The following SDCCAG8 variants were observed in gnomAD, a reference collection of about 807,000 sequenced individuals.
SDCCAG8 encodes SHH signaling and ciliogenesis regulator SDCCAG8, also known as serologically defined colon cancer antigen 8.
Under a neutral mutation model 101.8 loss-of-function variants are expected in SDCCAG8, and 74 were observed. The observed-to-expected ratio is 0.73, with a 90% CI of 0.60 to 0.88. The LOEUF (loss-of-function observed/expected upper bound fraction) is 0.88, where lower values mean the gene tolerates loss of function less well. Ranked by LOEUF, SDCCAG8 falls within the 40% of genes least tolerant of loss-of-function variation. The probability of loss-of-function intolerance (pLI) is 0.00; values close to 1 mark genes in which losing one functional copy is unlikely to be tolerated. For missense variants in SDCCAG8, 787 were observed against 822.6 expected, an observed-to-expected ratio of 0.96 and a Z score of 0.53; for synonymous variants, 281 against 292.9, an observed-to-expected ratio of 0.96 and a Z score of 0.41.
intron 14 of SDCCAG8, 25 bp downstream of exon 14, chr1:243,415,854 C>T: frequency 1.9e-6 from 3 of 1,611,254 alleles, no homozygotes; most frequent in Non-Finnish European, 2.5e-6. Context: ...AAGATTAGAG[C>T]CTGGGCACTA....
At chr1:243,485,116 T>G (rs1664543491) in intron 16 of SDCCAG8, among the ~76,000 whole-genome samples, 1 of 151,976 alleles carries the variant, frequency 6.6e-6, no homozygotes, top group Non-Finnish European at 1.5e-5. Flanking sequence ...GTGAATTAAC[T>G]CAGTGAGTTA....
chr1:243,410,297 TAATC>T (rs1466910919), intron 13 of SDCCAG8, among the ~76,000 whole-genome samples: 1 of 152,210 alleles, frequency 6.6e-6, no homozygotes, highest in African/African-American at 2.4e-5. Context: ...CCAATGATGT[TAATC>T]AAGCTATCAA....
intron 16 of SDCCAG8, among the ~76,000 whole-genome samples, chr1:243,475,252 G>GACGGA (rs1418760517): frequency 1.3e-5 from 2 of 152,198 alleles, no homozygotes; most frequent in Non-Finnish European, 2.9e-5. Flanking sequence ...CGGACATATA[G>GACGGA]CAGTGAATAC....
chr1:243,490,456 C>T (rs988404852), intron 17 of SDCCAG8, among the ~76,000 whole-genome samples: 10 of 152,178 alleles, frequency 6.6e-5, no homozygotes, highest in South Asian at 2.1e-4. Flanking sequence ...TGATTCTGGA[C>T]GACACTACAT....
At chr1:243,337,195 G>T (rs772855442) in intron 10 of SDCCAG8, among the ~76,000 whole-genome samples, 1 of 152,012 alleles carries the variant, frequency 6.6e-6, no homozygotes, top group Non-Finnish European at 1.5e-5. Flanking sequence ...TATGGTAAAG[G>T]GTAAAAGCCC....
rs141181193 is a variant in SDCCAG8, at chr1:243,317,596, C to T, written c.1068+703C>T. Among the ~76,000 whole-genome samples, 592 of 152,356 alleles carry T rather than the reference C, an allele frequency of 3.9e-3. 1 individual carries two copies. The highest frequency in any genetic ancestry group is 6.8e-3 in the Middle Eastern group (2 of 294). ...TCGTCCTCCCAAAGTGCTGAGATTA[C>T]AGGCGTGAGCCACTGCGCCCGGTCT... On this transcript the variant is annotated intron_variant, in intron 9 of 17. Coordinates refer to ENST00000366541, the MANE Select transcript of SDCCAG8 (RefSeq NM_006642.5).
chr1:243,298,824 T>C (rs2071221308), intron 6 of SDCCAG8, among the ~76,000 whole-genome samples: 1 of 152,220 alleles, frequency 6.6e-6, no homozygotes, highest in South Asian at 2.1e-4. Context: ...TTTAGTTAAT[T>C]GTGCTAATAC....
intron 7 of SDCCAG8, chr1:243,307,617 T>C (rs1384170250): frequency 2.0e-6 from 2 of 984,560 alleles, no homozygotes; most frequent in Admixed American, 6.2e-5. Flanking sequence ...ACCCCACCCC[T>C]TTTTTAAGGA....
chr1:243,303,577 G>T (rs769027420), intron 6 of SDCCAG8, among the ~76,000 whole-genome samples: 3 of 151,902 alleles, frequency 2.0e-5, no homozygotes, highest in Non-Finnish European at 4.4e-5. Context: ...ATGAGGACCC[G>T]CTTCCATTTA....
chr1:243,258,945 A>G (rs1211643465), intron 1 of SDCCAG8, among the ~76,000 whole-genome samples: 2 of 152,188 alleles, frequency 1.3e-5, no homozygotes, highest in Non-Finnish European at 2.9e-5. Flanking sequence ...AAGCCTAATA[A>G]ACAGTCTTGG....
chr1:243,490,586 A>G (rs993739751), intron 17 of SDCCAG8, among the ~76,000 whole-genome samples: 1 of 152,244 alleles, frequency 6.6e-6, no homozygotes, highest in Non-Finnish European at 1.5e-5. Context: ...TTCCAGCCTC[A>G]GTTTCTCCTC....
At chr1:243,439,276 C>T (rs1183041507) in intron 16 of SDCCAG8, among the ~76,000 whole-genome samples, 1 of 152,092 alleles carries the variant, frequency 6.6e-6, no homozygotes, top group Non-Finnish European at 1.5e-5. Flanking sequence ...ACCTCAGCCT[C>T]CCAGGTAGTT....
Position 243,294,480 on chromosome 1 carries a change from G to T in SDCCAG8, c.675+1261G>T, listed in dbSNP as rs1441304595. On this transcript the variant is annotated intron_variant, in intron 6 of 17. Coordinates refer to ENST00000366541, the MANE Select transcript of SDCCAG8 (RefSeq NM_006642.5). ...TCCACTCCCCCCAAAAGGTGGGGGG[G>T]GGGAGAGAGAGAGAGAGAGAAAGAG... is the stretch of plus-strand genomic sequence containing the variant. Among the ~76,000 whole-genome samples the T allele has an allele frequency of 1.4e-4, 4 of 27,820 alleles. No individual in the cohort carries two copies. In the South Asian group the frequency reaches 7.4e-3, roughly 51 times the overall value. 18.3% of individuals were successfully genotyped at this position (27,820 alleles called of 152,430 possible). A position where few individuals can be genotyped will look rare whatever the true frequency, so the allele number is the denominator to read the frequency against.
At chr1:243,484,916 C>T (rs535015476) in intron 16 of SDCCAG8, among the ~76,000 whole-genome samples, 14 of 152,120 alleles carry the variant, frequency 9.2e-5, no homozygotes, top group African/African-American at 2.9e-4. Context: ...TGGTGGTGCG[C>T]GCCTATAGTC....
intron 12 of SDCCAG8, among the ~76,000 whole-genome samples, chr1:243,357,242 G>C (rs2076436446): frequency 6.6e-6 from 1 of 152,090 alleles, no homozygotes; most frequent in Non-Finnish European, 1.5e-5. Context: ...AGCCAGGCGT[G>C]GTGGCACATG....
At chr1:243,425,395 A>G (rs1051974487) in intron 15 of SDCCAG8, among the ~76,000 whole-genome samples, 1 of 152,102 alleles carries the variant, frequency 6.6e-6, no homozygotes, top group Non-Finnish European at 1.5e-5. Context: ...TGCTCCATAC[A>G]CGTGAGCAGC....
intron 17 of SDCCAG8, 44 bp downstream of exon 17, chr1:243,489,184 G>T: frequency 6.2e-7 from 1 of 1,603,028 alleles, no homozygotes; most frequent in Non-Finnish European, 8.5e-7. Flanking sequence ...TTGGGCGGGC[G>T]TCTACAGGTG....
chr1:243,318,387 A>C, intron 9 of SDCCAG8: 12 of 164,764 alleles, frequency 7.3e-5, no homozygotes, highest in Non-Finnish European at 1.5e-4. Context: ...GAGGAGCAGA[A>C]GAGATCACTA....
chr1:243,441,625 G>T (rs1477278315), intron 16 of SDCCAG8, among the ~76,000 whole-genome samples: 1 of 152,060 alleles, frequency 6.6e-6, no homozygotes, highest in Non-Finnish European at 1.5e-5. Context: ...AGGGAACAAA[G>T]AATTTTAATC....
Sources: allele counts gnomAD v4.1 joint callset (sites outside exome capture counted in the v4.1 genomes callset), GRCh38; gene constraint gnomAD v4.1.1; transcripts MANE v1.5; gene names NCBI Gene and HGNC (gene_info 2026-07-23, HGNC 2026-07-21).